MYT1L: variants seen among roughly 807,000 people sequenced by gnomAD.
MYT1L encodes the protein myelin transcription factor 1-like protein.
A neutral mutation model predicts 126.7 loss-of-function variants in MYT1L; 12 were observed. The ratio of observed to expected loss-of-function variants is 0.09; its 90% CI spans 0.06 to 0.15. MYT1L has a LOEUF of 0.15. Ranked by LOEUF, MYT1L falls within the 10% of genes least tolerant of loss-of-function variation. The pLI is 1.00. For synonymous variants in MYT1L, 541 were observed against 604.2 expected, an observed-to-expected ratio of 0.90 and a Z score of 1.53; for missense variants, 979 against 1,585.2, an observed-to-expected ratio of 0.62 and a Z score of 6.49.
intron 3 of MYT1L, among the ~76,000 whole-genome samples, chr2:2,169,055 T>C (rs1359863043): frequency 6.6e-6 from 1 of 152,202 alleles, no homozygotes; most frequent in Non-Finnish European, 1.5e-5. Flanking sequence ...CTTGTAACAG[T>C]TCTATTAAGA....
chr2:1,826,063 C>G (rs2039285862), intron 21 of MYT1L: 1 of 152,312 alleles, frequency 6.6e-6, no homozygotes, highest in South Asian at 2.1e-4. Flanking sequence ...GCTGCAAGCT[C>G]AGGAGCTGAG....
chr2:2,004,123 C>T (rs1208958638), intron 4 of MYT1L, among the ~76,000 whole-genome samples: 1 of 149,202 alleles, frequency 6.7e-6, no homozygotes, highest in African/African-American at 2.5e-5. Flanking sequence ...GCCTTCCTTC[C>T]TGTGTGCCTT....
At chr2:2,145,166 A>G (rs1575473663) in intron 3 of MYT1L, among the ~76,000 whole-genome samples, 1 of 152,204 alleles carries the variant, frequency 6.6e-6, no homozygotes. Context: ...AGGTGACTTC[A>G]TGGAACTGGC....
chr2:2,046,320 C>A (rs1040792929), intron 4 of MYT1L, among the ~76,000 whole-genome samples: 1 of 152,094 alleles, frequency 6.6e-6, no homozygotes, highest in African/African-American at 2.4e-5. Flanking sequence ...AATATTATAT[C>A]TTGGGCTAGG....
chr2:1,802,715 GCAA>G (rs2035064431), intron 22 of MYT1L, among the ~76,000 whole-genome samples: 1 of 152,194 alleles, frequency 6.6e-6, no homozygotes, highest in South Asian at 2.1e-4. Flanking sequence ...CTGGTTACTG[GCAA>G]CATTACACTG....
At chr2:2,127,015 C>T (rs2081797070) in intron 3 of MYT1L, among the ~76,000 whole-genome samples, 1 of 152,228 alleles carries the variant, frequency 6.6e-6, no homozygotes, top group African/African-American at 2.4e-5. Flanking sequence ...TGGGTTTATG[C>T]ATTTCTAAAG....
At chr2:1,849,468 T>G (rs2042935926) in intron 19 of MYT1L, among the ~76,000 whole-genome samples, 1 of 152,196 alleles carries the variant, frequency 6.6e-6, no homozygotes. Context: ...GCCACATCAA[T>G]GTCATAAGCC....
At chr2:2,272,585 A>AG (rs2149350577) in intron 2 of MYT1L, among the ~76,000 whole-genome samples, 1 of 152,338 alleles carries the variant, frequency 6.6e-6, no homozygotes, top group East Asian at 1.9e-4. Flanking sequence ...CAAAATAAAC[A>AG]GCTTCTGCCT....
intron 4 of MYT1L, among the ~76,000 whole-genome samples, chr2:2,005,401 GTGCGTTCTTTCCTCA>G (rs1279044804): frequency 2.4e-5 from 3 of 124,744 alleles, no homozygotes; most frequent in African/African-American, 6.3e-5. Context: ...TCTTTCCTGC[GTGCGTTCTTTCCTCA>G]TGCGTTCTTT....
intron 10 of MYT1L, among the ~76,000 whole-genome samples, chr2:1,920,350 C>T (rs996359254): frequency 2.6e-5 from 4 of 152,166 alleles, no homozygotes; most frequent in Non-Finnish European, 5.9e-5. Flanking sequence ...TGCATAAAGC[C>T]GCTGAACTTA....
intron 4 of MYT1L, among the ~76,000 whole-genome samples, chr2:2,026,171 C>T (rs11127292): frequency 0.12 from 17,722 of 152,228 alleles, 1,115 homozygotes; most frequent in East Asian, 0.31. Flanking sequence ...CCATTAAACA[C>T]ACCTCTTAAA....
chr2:2,245,735 T>C (rs549401119), intron 2 of MYT1L, among the ~76,000 whole-genome samples: 3 of 152,128 alleles, frequency 2.0e-5, no homozygotes, highest in Non-Finnish European at 4.4e-5. Flanking sequence ...GCCCAGCGCA[T>C]GCTTTCACAT....
chr2:2,047,634 A>T (rs546471769), intron 4 of MYT1L, among the ~76,000 whole-genome samples: 41 of 152,344 alleles, frequency 2.7e-4, no homozygotes, highest in African/African-American at 9.6e-4. Flanking sequence ...CCGATTTTTC[A>T]TGATAAAAAT....
rs1383235645 is a variant in MYT1L at position 2,059,799 on chromosome 2, T to C, written c.-303-5676A>G. On this transcript the variant is annotated intron_variant, in intron 3 of 24. Coordinates refer to ENST00000647738, the MANE Select transcript of MYT1L (RefSeq NM_001303052.2). The surrounding 1 kb of genome is among the most constrained non-coding windows in gnomAD (Gnocchi z 4.7). ...ATAATTATAAACGGATGACTGTCAC[T>C]GAAAATGTGGTGGGTTTCCTAGAAA... Among the ~76,000 whole-genome samples the C allele has an allele frequency of 6.6e-6, 1 of 152,170 alleles. No homozygotes were observed. The highest frequency in any genetic ancestry group is 2.4e-5 in the African/African-American group (1 of 41,432).
At chr2:1,950,434 T>C (rs2057640093) in intron 8 of MYT1L, among the ~76,000 whole-genome samples, 1 of 151,902 alleles carries the variant, frequency 6.6e-6, no homozygotes, top group Non-Finnish European at 1.5e-5. Flanking sequence ...CCCAACCTCA[T>C]GGGACACCGA....
chr2:1,852,442 C>T lies in MYT1L; in HGVS notation c.2712-739G>A, dbSNP rs59541618. Among the ~76,000 whole-genome samples the T allele has an allele frequency of 0.15, 22,653 of 152,056 alleles. 1,852 individuals are homozygous for T. The highest frequency in any genetic ancestry group is 0.23 in the East Asian group (1,180 of 5,154). On this transcript the variant is annotated intron_variant, in intron 18 of 24. Transcript: ENST00000647738. The surrounding 1 kb of genome is among the most constrained non-coding windows in gnomAD (Gnocchi z 4.0). The stretch of plus-strand genomic sequence containing the variant: ...GAAGCCTACCGAGGCAACCCCATCC[C>T]GTTTCTTAATTAAGGTCTTGCTATT...
intron 3 of MYT1L, among the ~76,000 whole-genome samples, chr2:2,067,748 A>G (rs1431199818): frequency 1.3e-5 from 2 of 152,196 alleles, no homozygotes; most frequent in South Asian, 2.1e-4. Flanking sequence ...CATCTTAAGG[A>G]AAGTGGAAGG....
intron 13 of MYT1L, among the ~76,000 whole-genome samples, chr2:1,904,689 G>T (rs955982568): frequency 6.6e-6 from 1 of 151,476 alleles, no homozygotes; most frequent in Non-Finnish European, 1.5e-5. Context: ...ACTGTTAATC[G>T]TAACATCCTA....
intron 9 of MYT1L, among the ~76,000 whole-genome samples, chr2:1,925,562 G>A (rs1221470675): frequency 1.3e-5 from 2 of 151,958 alleles, no homozygotes; most frequent in Admixed American, 6.6e-5. Context: ...ACCTTCCCCC[G>A]ACAAAATTAA....
Sources: gnomAD v4.1 joint callset for allele counts (sites outside exome capture counted in the v4.1 genomes callset) on GRCh38, gnomAD v4.1.1 for gene constraint, Gnocchi (gnomAD v3.1) non-coding constraint, MANE v1.5 for transcripts, NCBI Gene and HGNC (gene_info 2026-07-23, HGNC 2026-07-21) for gene names.